The following DDX46 variants were observed in gnomAD, a reference collection of about 807,000 sequenced individuals.
DDX46 encodes DEAD-box helicase 46.
DDX46 carries 30 observed loss-of-function variants against 134.9 expected under a neutral mutation model. The ratio of observed to expected loss-of-function variants is 0.22; its 90% CI spans 0.17 to 0.30. The LOEUF is 0.30. Among genes scored for constraint, DDX46 ranks in the 10% least tolerant of loss-of-function variants. The pLI, the probability that DDX46 is intolerant of heterozygous loss-of-function variation, is 1.00. For missense variants in DDX46, 622 were observed against 1,248.7 expected (o/e 0.50, Z 7.56); for synonymous variants, 415 against 404.1 (o/e 1.03, Z -0.32).
intron 6 of DDX46, among the ~76,000 whole-genome samples, chr5:134,779,007 C>T (rs1206093842): frequency 2.0e-5 from 3 of 152,126 alleles, no homozygotes; most frequent in Non-Finnish European, 2.9e-5. Flanking sequence ...AGTGATTCTT[C>T]TGCCTCAGCT....
intron 4 of DDX46, among the ~76,000 whole-genome samples, chr5:134,772,095 A>G (rs1753791078): frequency 2.0e-5 from 3 of 152,002 alleles, no homozygotes; most frequent in African/African-American, 7.3e-5. Context: ...GCCAGGCGTG[A>G]TGGCGCATGC....
At chr5:134,811,911 A>C in intron 18 of DDX46, 66 bp downstream of exon 18, 1 of 1,539,314 alleles carries the variant, frequency 6.5e-7, no homozygotes. Flanking sequence ...AGGTCTTGCC[A>C]TATATGGTTA....
chr5:134,785,262 C>T (rs1271204576), intron 10 of DDX46, among the ~76,000 whole-genome samples: 1 of 152,162 alleles, frequency 6.6e-6, no homozygotes, highest in East Asian at 1.9e-4. Context: ...CTTCTTTTAG[C>T]ATGTTTTTAA....
intron 12 of DDX46, chr5:134,790,074 T>TA (rs1447347146): frequency 2.2e-6 from 1 of 459,208 alleles, no homozygotes; most frequent in African/African-American, 2.0e-5. Flanking sequence ...TTTCCACACA[T>TA]ACGCTGTAAT....
chr5:134,817,124 A>G, intron 19 of DDX46: 1 of 195,424 alleles, frequency 5.1e-6, no homozygotes, highest in South Asian at 1.3e-4. Context: ...GAAGGAGCTC[A>G]GTGATGGTAG....
intron 1 of DDX46, among the ~76,000 whole-genome samples, chr5:134,763,204 T>C (rs1360410512): frequency 6.6e-6 from 1 of 152,158 alleles, no homozygotes; most frequent in African/African-American, 2.4e-5. Flanking sequence ...CTGCACTCTA[T>C]CCTGGATAAT....
rs1755660339 is a variant in DDX46 at position 134,828,844 on chromosome 5, C to T, written c.*138C>T. The T allele has an allele frequency of 1.9e-6, 1 of 527,020 alleles. No homozygotes were observed. Among genetic ancestry groups the T allele is most frequent in the Admixed American group, 4.3e-5 (1 of 23,184 alleles). 32.6% of individuals were successfully genotyped at this position (527,020 alleles called of 1,614,324 possible). On this transcript the variant is annotated 3_prime_UTR_variant, in exon 23 of 23. Coordinates refer to ENST00000452510, the MANE Select transcript of DDX46 (RefSeq NM_001300860.2). ...TTTTTTTAAATATAAGAAACTGGTA[C>T]TTGGTAAAGAAATCTGTCCGTAAGT... is the stretch of plus-strand genomic sequence containing the variant.
chr5:134,782,789 C>T (rs146960738), intron 8 of DDX46, among the ~76,000 whole-genome samples, 156 bp from the exon 9 acceptor site: 17 of 152,232 alleles, frequency 1.1e-4, no homozygotes, highest in African/African-American at 3.6e-4. Context: ...GATCTGCCTG[C>T]GTCTGTCTCC....
In DDX46 at chr5:134,828,848, G is replaced by C. The variant is rs1001898285; in HGVS notation, c.*142G>C. The C allele has an allele frequency of 5.8e-6, 3 of 514,448 alleles. No homozygotes were observed. The highest frequency in any genetic ancestry group is 2.0e-5 in the African/African-American group (1 of 50,454). 31.9% of individuals were successfully genotyped at this position (514,448 alleles called of 1,614,324 possible). A position where few individuals can be genotyped will look rare whatever the true frequency, so the allele number is the denominator to read the frequency against. ...TTTAAATATAAGAAACTGGTACTTG[G>C]TAAAGAAATCTGTCCGTAAGTACCC... On this transcript the variant is annotated 3_prime_UTR_variant, in exon 23 of 23. Coordinates refer to ENST00000452510, the MANE Select transcript of DDX46 (RefSeq NM_001300860.2).
chr5:134,776,299 A>G (rs1753934720), intron 5 of DDX46, among the ~76,000 whole-genome samples: 1 of 152,024 alleles, frequency 6.6e-6, no homozygotes, highest in African/African-American at 2.4e-5. Context: ...CTGAGGCAGA[A>G]GAATCACTTG....
chr5:134,820,725 C>G (rs25786), intron 21 of DDX46, among the ~76,000 whole-genome samples: 4,050 of 152,266 alleles, frequency 0.027, 96 homozygotes, highest in African/African-American at 0.069. Flanking sequence ...ACAGTTCAGT[C>G]CTCAGTACCT....
Position 134,758,928 on chromosome 5 carries a change from C to T in DDX46, c.-11C>T, listed in dbSNP as rs1475964881. 1 of 1,613,310 alleles carries T rather than the reference C, an allele frequency of 6.2e-7. No homozygotes were observed. Among genetic ancestry groups the T allele is most frequent in the Non-Finnish European group, 8.5e-7 (1 of 1,179,852 alleles). Reference sequence around the variant, plus strand: ...GTACTCAAGGGCACCAGTATTCCCGCGGTCGGCAGCATGGGTCGGGAGTCA... The same window carrying T: ...GTACTCAAGGGCACCAGTATTCCCGTGGTCGGCAGCATGGGTCGGGAGTCA... On this transcript the variant is annotated 5_prime_UTR_variant, in exon 1 of 23. Coordinates refer to ENST00000452510, the MANE Select transcript of DDX46 (RefSeq NM_001300860.2).
At chr5:134,792,962 A>AG (rs1754547269) in intron 13 of DDX46, among the ~76,000 whole-genome samples, 2 of 152,166 alleles carry the variant, frequency 1.3e-5, no homozygotes, top group African/African-American at 4.8e-5. Flanking sequence ...CAAGACAAGC[A>AG]GGGGGCAACA....
chr5:134,764,967 G>T (rs1053129568), intron 2 of DDX46, among the ~76,000 whole-genome samples: 1 of 151,608 alleles, frequency 6.6e-6, no homozygotes, highest in African/African-American at 2.4e-5. Context: ...TCTAAAGCAG[G>T]CAGAAAAAGG....
intron 11 of DDX46, among the ~76,000 whole-genome samples, chr5:134,786,777 G>A (rs983524515): frequency 1.5e-4 from 23 of 152,076 alleles, no homozygotes; most frequent in Admixed American, 1.4e-3. Flanking sequence ...CCTGGGAGGC[G>A]GAGGTTGCAG....
chr5:134,824,301 T>C (rs532827025), intron 21 of DDX46, among the ~76,000 whole-genome samples: 2 of 152,078 alleles, frequency 1.3e-5, no homozygotes. Context: ...TCTAGAAATA[T>C]AATGATAATG....
In DDX46 at chr5:134,761,768, C is replaced by T. The variant is rs553899138; in HGVS notation, c.18-2136C>T. 1.2e-3 allele frequency among the ~76,000 whole-genome samples: 181 copies of T among 152,258 alleles called. 2 individuals carry two copies. The highest frequency in any genetic ancestry group is 3.6e-3 in the African/African-American group (151 of 41,562). On this transcript the variant is annotated intron_variant, in intron 1 of 22. Coordinates refer to ENST00000452510, the MANE Select transcript of DDX46 (RefSeq NM_001300860.2). ...CATTTAGTTCATCATTAAATCCCAT[C>T]GGTGCTAGCTTCAAGATATCCAGAT...
At chr5:134,772,244 C>G (rs1466982910) in intron 4 of DDX46, among the ~76,000 whole-genome samples, 1 of 151,606 alleles carries the variant, frequency 6.6e-6, no homozygotes, top group African/African-American at 2.4e-5. Flanking sequence ...AATGTGAAGG[C>G]CAGGCATGGT....
intron 15 of DDX46, chr5:134,797,163 G>A (rs1442819982): frequency 1.4e-4 from 8 of 59,088 alleles, no homozygotes; most frequent in East Asian, 1.1e-3. Flanking sequence ...GTGAAACTCC[G>A]TCTCAAAAAA....
Sources: allele counts gnomAD v4.1 joint callset (sites outside exome capture counted in the v4.1 genomes callset), GRCh38; gene constraint gnomAD v4.1.1; transcripts MANE v1.5; gene names NCBI Gene and HGNC (gene_info 2026-07-23, HGNC 2026-07-21).